The following KCNK13 variants were observed in gnomAD, a reference collection of about 807,000 sequenced individuals.
KCNK13 encodes the protein potassium two pore domain channel subfamily K member 13, also known as potassium channel subfamily K member 13.
In KCNK13, 12 loss-of-function variants were observed where a neutral mutation model predicts 23.4. The ratio of observed to expected loss-of-function variants is 0.51; its 90% CI spans 0.33 to 0.83. The LOEUF (loss-of-function observed/expected upper bound fraction) is 0.83, where lower values mean the gene tolerates loss of function less well. Ranked by LOEUF, KCNK13 falls within the 40% of genes least tolerant of loss-of-function variation. The pLI is 0.02. For synonymous variants in KCNK13, 231 were observed against 229.5 expected (o/e 1.01, Z -0.06); for missense variants, 463 against 556.3 (o/e 0.83, Z 1.69).
At chr14:90,063,887 G>A (rs925163957) in intron 1 of KCNK13, among the ~76,000 whole-genome samples, 3 of 152,186 alleles carry the variant, frequency 2.0e-5, no homozygotes, top group South Asian at 2.1e-4. Flanking sequence ...GGGACACACC[G>A]GCTGTATCTG....
intron 1 of KCNK13, among the ~76,000 whole-genome samples, chr14:90,135,362 T>C (rs915921496): frequency 6.6e-6 from 1 of 152,184 alleles, no homozygotes; most frequent in South Asian, 2.1e-4. Flanking sequence ...TTTGTCTCAC[T>C]GAGGACCAAG....
At position 90,062,343 on chromosome 14, in the gene KCNK13, G is replaced by C. The variant is rs769390329; in HGVS notation, c.138G>C (p.Glu46Asp). The C allele has an allele frequency of 5.1e-6, 8 of 1,556,276 alleles. No homozygotes were observed. Among genetic ancestry groups the C allele is most frequent in the Middle Eastern group, 2.0e-4 (1 of 5,126 alleles). The change falls in exon 1 of 2, where the codon GAG (glutamate) becomes GAC (aspartate). Residue 46 changes from glutamate to aspartate, a missense_variant. By Grantham distance (45) the Glu-to-Asp change is conservative. Transcript: ENST00000282146. The surrounding 1 kb of genome is among the most constrained non-coding windows in gnomAD (Gnocchi z 4.5). ...TCTCCGCGCTGGAGCTGGCGCACGA[G>C]CGCCAGGCCAAGCAGCGCTGGGAGG... Reference protein sequence around the residue: ...AVFSALELAHERQAKQRWEER... With the variant: ...AVFSALELAHDRQAKQRWEER...
At chr14:90,173,681 T>G (rs1005731289) in intron 1 of KCNK13, among the ~76,000 whole-genome samples, 5 of 152,100 alleles carry the variant, frequency 3.3e-5, no homozygotes, top group African/African-American at 1.2e-4. Context: ...CCCAATGGCT[T>G]GCAAGCAAGG....
intron 1 of KCNK13, among the ~76,000 whole-genome samples, chr14:90,072,398 C>T (rs1033227959): frequency 1.3e-5 from 2 of 152,068 alleles, no homozygotes; most frequent in Non-Finnish European, 2.9e-5. Context: ...GGCCTTGTGC[C>T]CTGGAGAGAG....
At chr14:90,130,179 C>CATTTATTTATTTATTTATTTATTTATTT (rs60505302) in intron 1 of KCNK13, among the ~76,000 whole-genome samples, 1 of 142,056 alleles carries the variant, frequency 7.0e-6, no homozygotes, top group Admixed American at 7.1e-5. Flanking sequence ...TGGAGAAGGA[C>CATTTATTTATTTATTTATTTATTTATTT]ATTTATTTAT....
chr14:90,161,478 A>G (rs2140438772), intron 1 of KCNK13, among the ~76,000 whole-genome samples: 1 of 152,330 alleles, frequency 6.6e-6, no homozygotes, highest in South Asian at 2.1e-4. Flanking sequence ...AATCAATAAT[A>G]AGAAAACAAC....
intron 1 of KCNK13, among the ~76,000 whole-genome samples, chr14:90,111,854 C>G (rs1347652916): frequency 2.6e-5 from 4 of 152,132 alleles, no homozygotes; most frequent in Admixed American, 6.6e-5. Flanking sequence ...GAATCAACTT[C>G]TCTAGTAATA....
chr14:90,155,505 G>A (rs1315159883), intron 1 of KCNK13, among the ~76,000 whole-genome samples: 1 of 152,174 alleles, frequency 6.6e-6, no homozygotes, highest in Non-Finnish European at 1.5e-5. Flanking sequence ...CTGCAGGCTA[G>A]GGAAGGATAG....
intron 1 of KCNK13, among the ~76,000 whole-genome samples, chr14:90,107,213 C>T (rs762738022): frequency 3.3e-5 from 5 of 152,068 alleles, no homozygotes; most frequent in African/African-American, 9.7e-5. Context: ...GGCATGGTGG[C>T]TCATGCCTGT....
At chr14:90,160,251 T>A (rs991250606) in intron 1 of KCNK13, among the ~76,000 whole-genome samples, 2 of 152,198 alleles carry the variant, frequency 1.3e-5, no homozygotes, top group African/African-American at 2.4e-5. Flanking sequence ...AAACCACTTC[T>A]GCAAAGTTAA....
At chr14:90,176,804 G>A (rs1439307121) in intron 1 of KCNK13, among the ~76,000 whole-genome samples, 1 of 151,904 alleles carries the variant, frequency 6.6e-6, no homozygotes, top group African/African-American at 2.4e-5. Flanking sequence ...GGTGGATCAC[G>A]AGGTCAAGAG....
At chr14:90,141,795 G>GGGGGC (rs1555352000) in intron 1 of KCNK13, among the ~76,000 whole-genome samples, 2 of 872 alleles carry the variant, frequency 2.3e-3, no homozygotes, top group African/African-American at 5.3e-3. Flanking sequence ...TTTGTTTTTT[G>GGGGGC]GGGGGGGGGA....
rs1209756889 is a variant in KCNK13 at position 90,087,147 on chromosome 14, TATA to T, written c.334+24609_334+24611del. On this transcript the variant is annotated intron_variant, in intron 1 of 1. Transcript: ENST00000282146. Reference sequence around the variant, plus strand: ...ATATATACATATATATATATATATATATATATATTTTTTTTTTTTATTGAGATG... The same window carrying T: ...ATATATACATATATATATATATATATTATATTTTTTTTTTTTATTGAGATG... 7.2e-3 allele frequency among the ~76,000 whole-genome samples: 860 copies of T among 119,854 alleles called. 12 individuals carry two copies. Among genetic ancestry groups the T allele is most frequent in the East Asian group, 0.059 (215 of 3,634 alleles). 78.6% of individuals were successfully genotyped at this position (119,854 alleles called of 152,430 possible).
chr14:90,091,180 T>C (rs1378568910), intron 1 of KCNK13, among the ~76,000 whole-genome samples: 1 of 152,206 alleles, frequency 6.6e-6, no homozygotes, highest in Non-Finnish European at 1.5e-5. Flanking sequence ...CCCCACATGA[T>C]ATTATTTTTT....
chr14:90,111,867 C>G (rs148520349), intron 1 of KCNK13, among the ~76,000 whole-genome samples: 1 of 152,302 alleles, frequency 6.6e-6, no homozygotes, highest in Admixed American at 6.5e-5. Context: ...TAGTAATATT[C>G]TGGCCCCACC....
chr14:90,077,730 A>T (rs775575405), intron 1 of KCNK13, among the ~76,000 whole-genome samples: 16 of 152,106 alleles, frequency 1.1e-4, no homozygotes, highest in Non-Finnish European at 2.1e-4. Context: ...TCCTGCTGCC[A>T]TCCTTTTTAT....
intron 1 of KCNK13, among the ~76,000 whole-genome samples, chr14:90,073,315 C>G (rs1286920): frequency 0.54 from 82,765 of 151,950 alleles, 24,681 homozygotes; most frequent in African/African-American, 0.8. Flanking sequence ...GGAGTCCATG[C>G]AAACAGAGAC....
At chr14:90,113,219 T>C (rs1305824740) in intron 1 of KCNK13, among the ~76,000 whole-genome samples, 1 of 151,922 alleles carries the variant, frequency 6.6e-6, no homozygotes, top group Non-Finnish European at 1.5e-5. Context: ...TGCACCTGGT[T>C]GAAAAGTTTT....
rs942231518 is a variant in KCNK13 at position 90,184,993 on chromosome 14, G to A, written c.1217G>A (p.Gly406Glu). 12 of 1,586,910 alleles carry A rather than the reference G, an allele frequency of 7.6e-6. No homozygotes were observed. Among genetic ancestry groups the A allele is most frequent in the Non-Finnish European group, 1.0e-5 (12 of 1,166,050 alleles). ...AACAACAGGTTGGCAGAGACCAGTG[G>A]GGACAGGTAGAAGCCAGGAGTGGAT... ...IMNNRLAETS[G>E]DR The change falls in exon 2 of 2, where the codon GGG becomes GAG. Residue 406 changes from glycine (G) to glutamate (E), a missense_variant. By Grantham distance (98) the Gly-to-Glu change is moderately conservative. Coordinates refer to ENST00000282146, the MANE Select transcript of KCNK13 (RefSeq NM_022054.4). The surrounding 1 kb of genome is among the most constrained non-coding windows in gnomAD (Gnocchi z 5.6).
Sources: gnomAD v4.1 joint callset for allele counts (sites outside exome capture counted in the v4.1 genomes callset) on GRCh38, gnomAD v4.1.1 for gene constraint, Gnocchi (gnomAD v3.1) non-coding constraint, MANE v1.5 for transcripts, NCBI Gene and HGNC (gene_info 2026-07-23, HGNC 2026-07-21) for gene names.